Variants in OTUD7A observed in about 807,000 individuals in gnomAD.
OTUD7A encodes OTU domain-containing protein 7A.
Under a neutral mutation model 65.7 loss-of-function variants are expected in OTUD7A, and 12 were observed. That is an observed-to-expected ratio of 0.18 (90% confidence interval 0.12 to 0.30). The LOEUF is 0.30. Among genes scored for constraint, OTUD7A ranks in the 10% least tolerant of loss-of-function variants. The pLI, the probability that OTUD7A is intolerant of heterozygous loss-of-function variation, is 1.00. For missense variants in OTUD7A, 1,148 were observed against 1,304.8 expected (o/e 0.88, Z 1.85); for synonymous variants, 641 against 586.3 (o/e 1.09, Z -1.35).
chr15:31,825,972 C>T lies in OTUD7A; in HGVS notation c.-100+44535G>A, dbSNP rs138594053. ...GGGTTCCCATGGTCTTGGGCAGCTC[C>T]GCCCCTGTGGCTTTGCAGGGTACAG... On this transcript the variant is annotated intron_variant, in intron 1 of 12. Coordinates refer to ENST00000307050, the MANE Select transcript of OTUD7A (RefSeq NM_001382637.1). Among the ~76,000 whole-genome samples, 24 of 152,328 alleles carry T rather than the reference C, an allele frequency of 1.6e-4. No individual in the cohort carries two copies. In the East Asian group the frequency reaches 4.3e-3, roughly 27 times the overall value.
At chr15:31,725,129 G>T (rs992651072) in intron 1 of OTUD7A, among the ~76,000 whole-genome samples, 1 of 152,206 alleles carries the variant, frequency 6.6e-6, no homozygotes, top group African/African-American at 2.4e-5. Flanking sequence ...GGCTGAGAAA[G>T]CTGCGAGCTT....
chr15:31,485,598 G>A (rs2041225976), intron 12 of OTUD7A, among the ~76,000 whole-genome samples: 1 of 152,320 alleles, frequency 6.6e-6, no homozygotes, highest in African/African-American at 2.4e-5. Context: ...TGGGAGAGCA[G>A]AGAGGCAGGC....
intron 1 of OTUD7A, among the ~76,000 whole-genome samples, chr15:31,728,045 G>A (rs1893941310): frequency 6.6e-6 from 1 of 152,148 alleles, no homozygotes; most frequent in Non-Finnish European, 1.5e-5. Context: ...ACTTTACCTT[G>A]GTTTTGTACA....
chr15:31,732,700 G>A (rs557311163), intron 1 of OTUD7A, among the ~76,000 whole-genome samples: 1 of 152,306 alleles, frequency 6.6e-6, no homozygotes, highest in South Asian at 2.1e-4. Context: ...TATTGTATTA[G>A]TGAAGACAGA....
chr15:31,624,420 A>C (rs1482853917), intron 3 of OTUD7A, among the ~76,000 whole-genome samples: 2 of 152,246 alleles, frequency 1.3e-5, no homozygotes, highest in African/African-American at 4.8e-5. Context: ...AGAAGGAAGA[A>C]AACTTTCCAA....
chr15:31,681,435 A>G (rs1422627934), intron 1 of OTUD7A, among the ~76,000 whole-genome samples: 1 of 151,628 alleles, frequency 6.6e-6, no homozygotes, highest in East Asian at 1.9e-4. Flanking sequence ...TCTATGCTAG[A>G]AACTCTCTGT....
At chr15:31,687,576 G>A (rs1163466631) in intron 1 of OTUD7A, among the ~76,000 whole-genome samples, 2 of 152,188 alleles carry the variant, frequency 1.3e-5, no homozygotes, top group East Asian at 3.8e-4. Context: ...GACACTGAAG[G>A]TTTGTGAGGA....
chr15:31,799,035 C>T (rs1896048359), intron 1 of OTUD7A, among the ~76,000 whole-genome samples: 2 of 152,212 alleles, frequency 1.3e-5, no homozygotes, highest in South Asian at 2.1e-4. Flanking sequence ...AAGAGGCAGC[C>T]ACACAATTAT....
chr15:31,770,886 A>G (rs74572303), intron 1 of OTUD7A, among the ~76,000 whole-genome samples: 3,246 of 152,320 alleles, frequency 0.021, 142 homozygotes, highest in African/African-American at 0.073. Flanking sequence ...CAACAGATTA[A>G]GAATATAAAA....
At chr15:31,501,948 C>T (rs747577003) in intron 9 of OTUD7A, 109 bp from the exon 10 acceptor site, 32 of 1,268,274 alleles carry the variant, frequency 2.5e-5, no homozygotes, top group Middle Eastern at 2.8e-4. Flanking sequence ...CGTGGAGAAG[C>T]GGAGGGACAG....
chr15:31,757,698 T>C (rs1267950047), intron 1 of OTUD7A, among the ~76,000 whole-genome samples: 2 of 152,190 alleles, frequency 1.3e-5, no homozygotes, highest in Admixed American at 1.3e-4. Flanking sequence ...TAATGAAATG[T>C]CAATTACATT....
At chr15:31,841,400 C>T (rs1183981261) in intron 1 of OTUD7A, among the ~76,000 whole-genome samples, 5 of 152,240 alleles carry the variant, frequency 3.3e-5, no homozygotes, top group East Asian at 1.9e-4. Flanking sequence ...ACAGCCCTGA[C>T]GATGCAGGAC....
At chr15:31,535,453 T>C (rs973041176) in intron 5 of OTUD7A, among the ~76,000 whole-genome samples, 1 of 152,092 alleles carries the variant, frequency 6.6e-6, no homozygotes, top group Non-Finnish European at 1.5e-5. Flanking sequence ...CAGTCTGAGG[T>C]AGTATCTTTA....
intron 1 of OTUD7A, among the ~76,000 whole-genome samples, chr15:31,836,589 C>G (rs1220317393): frequency 6.6e-6 from 1 of 152,086 alleles, no homozygotes; most frequent in Admixed American, 6.5e-5. Flanking sequence ...ACACAACAAA[C>G]CTCCACAAAA....
At chr15:31,828,375 T>C (rs1896850519) in intron 1 of OTUD7A, among the ~76,000 whole-genome samples, 1 of 152,190 alleles carries the variant, frequency 6.6e-6, no homozygotes, top group Admixed American at 6.5e-5. Flanking sequence ...TGCAATGTAA[T>C]GTTTCAATAG....
chr15:31,713,903 G>T (rs1159004264), intron 1 of OTUD7A, among the ~76,000 whole-genome samples: 2 of 147,790 alleles, frequency 1.4e-5, no homozygotes, highest in Non-Finnish European at 3.0e-5. Flanking sequence ...AACCTTATTA[G>T]TCATCAGTGA....
chr15:31,865,525 G>A (rs946705847), intron 1 of OTUD7A, among the ~76,000 whole-genome samples: 4 of 152,162 alleles, frequency 2.6e-5, no homozygotes, highest in Admixed American at 6.5e-5. Flanking sequence ...GTAAAAACTC[G>A]GAGAACTTAA....
intron 1 of OTUD7A, among the ~76,000 whole-genome samples, chr15:31,694,996 C>T (rs1414842283): frequency 1.3e-5 from 2 of 152,076 alleles, no homozygotes; most frequent in Non-Finnish European, 2.9e-5. Flanking sequence ...CAGGCACCCA[C>T]CACCACGCCT....
At chr15:31,857,345 G>A (rs1897602476) in intron 1 of OTUD7A, among the ~76,000 whole-genome samples, 1 of 152,144 alleles carries the variant, frequency 6.6e-6, no homozygotes, top group African/African-American at 2.4e-5. Flanking sequence ...CCAGGAGCCG[G>A]GCCTCCCAGC....
Sources: gnomAD v4.1 joint callset for allele counts (sites outside exome capture counted in the v4.1 genomes callset) on GRCh38, gnomAD v4.1.1 for gene constraint, MANE v1.5 for transcripts, NCBI Gene and HGNC (gene_info 2026-07-23, HGNC 2026-07-21) for gene names.